Variants in DOCK4 observed in about 807,000 individuals in gnomAD.
The protein encoded by DOCK4 is dedicator of cytokinesis 4.
In DOCK4, 97 loss-of-function variants were observed where a neutral mutation model predicts 268.1. The observed-to-expected ratio is 0.36, with a 90% CI of 0.31 to 0.43. The LOEUF is 0.43. Ranked by LOEUF, DOCK4 falls within the 20% of genes least tolerant of loss-of-function variation. DOCK4 has a pLI of 1.00. For missense variants in DOCK4, 2,145 were observed against 2,455.7 expected (o/e 0.87, Z 2.67); for synonymous variants, 954 against 887.2 (o/e 1.08, Z -1.34).
intron 1 of DOCK4, among the ~76,000 whole-genome samples, chr7:112,135,131 T>G (rs1225768874): frequency 1.3e-5 from 2 of 152,198 alleles, no homozygotes; most frequent in Non-Finnish European, 2.9e-5. Flanking sequence ...TTGTTTTAAC[T>G]GAGACATAAT....
intron 1 of DOCK4, among the ~76,000 whole-genome samples, chr7:112,155,048 G>A (rs1372339043): frequency 2.6e-5 from 4 of 152,172 alleles, no homozygotes; most frequent in South Asian, 2.1e-4. Flanking sequence ...GACAAGAAAG[G>A]AAGATGTTGT....
intron 1 of DOCK4, among the ~76,000 whole-genome samples, chr7:112,011,063 C>T (rs185582390): frequency 6.6e-6 from 1 of 152,254 alleles, no homozygotes; most frequent in East Asian, 1.9e-4. Flanking sequence ...ATGGCTTCAG[C>T]TGAAGAGAGC....
At chr7:112,137,379 T>C (rs1814462292) in intron 1 of DOCK4, among the ~76,000 whole-genome samples, 1 of 152,188 alleles carries the variant, frequency 6.6e-6, no homozygotes, top group African/African-American at 2.4e-5. Flanking sequence ...GGAGGTTACA[T>C]TTCTCCACAG....
Position 111,739,253 on chromosome 7 carries a change from GAAGGA to G in DOCK4, c.5123-15_5123-11del. The G allele has an allele frequency of 6.2e-7, 1 of 1,610,672 alleles. No homozygotes were observed. The highest frequency in any genetic ancestry group is 8.5e-7 in the Non-Finnish European group (1 of 1,176,814). Reference sequence around the variant, plus strand: ...GACAACAAAGGAGAAGCTGGGAAGAGAAGGAGAGAGAGGATCATCAGCATGGTAGT... The same window carrying G: ...GACAACAAAGGAGAAGCTGGGAAGAGGAGAGAGGATCATCAGCATGGTAGT... On this transcript the variant is annotated splice_polypyrimidine_tract_variant and intron_variant, in intron 48 of 52. Coordinates refer to ENST00000428084, the MANE Select transcript of DOCK4 (RefSeq NM_001363540.2).
intron 14 of DOCK4, among the ~76,000 whole-genome samples, chr7:111,901,355 A>G (rs1361828103): frequency 6.9e-6 from 1 of 144,566 alleles, no homozygotes; most frequent in African/African-American, 2.6e-5. Context: ...AAAAAAAAAA[A>G]GCTGCTTTTA....
intron 36 of DOCK4, among the ~76,000 whole-genome samples, chr7:111,775,298 G>A (rs1798374565): frequency 6.6e-6 from 1 of 152,130 alleles, no homozygotes; most frequent in Admixed American, 6.5e-5. Context: ...TAAAGTTGGG[G>A]AGGAGCCATG....
chr7:111,980,988 G>C (rs1220753699), intron 7 of DOCK4, among the ~76,000 whole-genome samples: 2 of 152,202 alleles, frequency 1.3e-5, no homozygotes, highest in African/African-American at 4.8e-5. Flanking sequence ...ACACTGTGCG[G>C]TTTAGCACTT....
intron 13 of DOCK4, among the ~76,000 whole-genome samples, chr7:111,905,299 C>A (rs966531442): frequency 2.0e-5 from 3 of 152,156 alleles, no homozygotes; most frequent in Non-Finnish European, 4.4e-5. Flanking sequence ...AGCTATTTCC[C>A]TGACAATGTT....
At chr7:111,797,333 C>G (rs1799971018) in intron 30 of DOCK4, among the ~76,000 whole-genome samples, 1 of 152,124 alleles carries the variant, frequency 6.6e-6, no homozygotes, top group African/African-American at 2.4e-5. Context: ...TTTTAAGTTC[C>G]CTTCTCATTA....
At chr7:111,829,252 A>G (rs1229303381) in intron 26 of DOCK4, among the ~76,000 whole-genome samples, 3 of 152,174 alleles carry the variant, frequency 2.0e-5, no homozygotes, top group African/African-American at 4.8e-5. Context: ...GACAATTACA[A>G]TTTTATATAA....
intron 16 of DOCK4, among the ~76,000 whole-genome samples, chr7:111,878,091 C>T (rs1807065754): frequency 6.6e-6 from 1 of 152,154 alleles, no homozygotes; most frequent in African/African-American, 2.4e-5. Flanking sequence ...ACATGTTGAG[C>T]AACACTACAG....
Position 111,876,345 on chromosome 7 carries a change from G to A in DOCK4, c.1744+685C>T, listed in dbSNP as rs963817515. ...ACAAATGCTGTTCTCTGACACAGAA[G>A]AAGGAACTAAGAAAGAACGAATAAC... On this transcript the variant is annotated intron_variant, in intron 17 of 52. Coordinates refer to ENST00000428084, the MANE Select transcript of DOCK4 (RefSeq NM_001363540.2). Among the ~76,000 whole-genome samples, 5 of 152,220 alleles carry A rather than the reference G, an allele frequency of 3.3e-5. No individual in the cohort carries two copies. In the East Asian group the frequency reaches 9.6e-4, roughly 29 times the overall value.
intron 12 of DOCK4, among the ~76,000 whole-genome samples, chr7:111,933,121 T>TATATATACGTATATACAC (rs1160542362): frequency 9.7e-6 from 1 of 103,224 alleles, no homozygotes; most frequent in Non-Finnish European, 2.0e-5. Flanking sequence ...TATATACACA[T>TATATATACGTATATACAC]ATATATACGT....
At chr7:112,195,001 G>A (rs186437379) in intron 1 of DOCK4, among the ~76,000 whole-genome samples, 88 of 152,298 alleles carry the variant, frequency 5.8e-4, no homozygotes, top group Admixed American at 2.0e-3. Flanking sequence ...ACTGGAGGCT[G>A]GGCGCAGTGG....
intron 8 of DOCK4, among the ~76,000 whole-genome samples, chr7:111,953,266 C>T (rs914776358): frequency 2.0e-5 from 3 of 151,794 alleles, no homozygotes; most frequent in African/African-American, 4.8e-5. Context: ...AATTAATACC[C>T]ATTCTACACT....
chr7:112,186,257 T>C (rs1044946814), intron 1 of DOCK4, among the ~76,000 whole-genome samples: 1 of 152,226 alleles, frequency 6.6e-6, no homozygotes, highest in African/African-American at 2.4e-5. Context: ...CTTAGCTTTA[T>C]GGTAACAGAC....
At chr7:111,947,479 C>T (rs771606769) in intron 8 of DOCK4, among the ~76,000 whole-genome samples, 4 of 152,050 alleles carry the variant, frequency 2.6e-5, no homozygotes, top group Admixed American at 6.6e-5. Context: ...TATTTTTTCC[C>T]AGAAAACAGA....
At chr7:111,790,166 A>G (rs1003376317) in intron 31 of DOCK4, among the ~76,000 whole-genome samples, 9 of 152,132 alleles carry the variant, frequency 5.9e-5, no homozygotes, top group African/African-American at 1.9e-4. Context: ...TCTGTGTCCA[A>G]CTGGGTGCAA....
chr7:112,089,696 T>C (rs1020229040), intron 1 of DOCK4, among the ~76,000 whole-genome samples: 1 of 151,876 alleles, frequency 6.6e-6, no homozygotes, highest in Non-Finnish European at 1.5e-5. Context: ...TGAGTTCTCA[T>C]GAGATCTGGT....
Sources: allele counts gnomAD v4.1 joint callset (sites outside exome capture counted in the v4.1 genomes callset), GRCh38; gene constraint gnomAD v4.1.1; transcripts MANE v1.5; gene names NCBI Gene and HGNC (gene_info 2026-07-23, HGNC 2026-07-21).